ST6GAL1: variants seen among roughly 807,000 people sequenced by gnomAD.
ST6GAL1 encodes beta-galactoside alpha-2,6-sialyltransferase 1.
In ST6GAL1, 20 loss-of-function variants were observed where a neutral mutation model predicts 38.0. The ratio of observed to expected loss-of-function variants is 0.53; its 90% CI spans 0.37 to 0.77. The LOEUF (loss-of-function observed/expected upper bound fraction) is 0.77, where lower values mean the gene tolerates loss of function less well. Ranked by LOEUF, ST6GAL1 falls within the 30% of genes least tolerant of loss-of-function variation. The pLI is 0.00. For missense variants in ST6GAL1, 432 were observed against 496.4 expected, an observed-to-expected ratio of 0.87 and a Z score of 1.23; for synonymous variants, 196 against 188.2, an observed-to-expected ratio of 1.04 and a Z score of -0.34.
chr3:186,940,754 G>A (rs976788939), intron 1 of ST6GAL1, among the ~76,000 whole-genome samples: 1 of 144,702 alleles, frequency 6.9e-6, no homozygotes, highest in African/African-American at 2.6e-5. Flanking sequence ...TCATTTTACT[G>A]TGTGTATTGG....
intron 4 of ST6GAL1, among the ~76,000 whole-genome samples, chr3:187,046,171 AGTG>A (rs1579355190): frequency 6.6e-6 from 1 of 152,196 alleles, no homozygotes; most frequent in East Asian, 1.9e-4. Context: ...CTGTGGTAGC[AGTG>A]ATGAAGAGAA....
chr3:187,041,826 A>G (rs1405792883), intron 3 of ST6GAL1: 1 of 152,238 alleles, frequency 6.6e-6, no homozygotes, highest in Non-Finnish European at 1.5e-5. Context: ...TGGTGCCCCC[A>G]GAGTTGTGTC....
rs1247127625 is a variant in ST6GAL1, at chr3:186,930,797, C to G, written c.-362C>G. On this transcript the variant is annotated 5_prime_UTR_variant, in exon 1 of 8. Transcript: ENST00000169298. ...GAGCGGGCGGCCGCCACCGAGCGTG[C>G]TGAGCAACCGCAGCCTCCGCGGCCG... 1 of 152,568 alleles carries G rather than the reference C, an allele frequency of 6.6e-6. No individual in the cohort carries two copies. The allele number at this position is 152,568 out of a possible 1,614,324, so 9.5% of individuals were successfully genotyped here. A position where few individuals can be genotyped will look rare whatever the true frequency, so the allele number is the denominator to read the frequency against.
At chr3:187,016,930 G>A (rs1717135805) in intron 2 of ST6GAL1, among the ~76,000 whole-genome samples, 1 of 152,208 alleles carries the variant, frequency 6.6e-6, no homozygotes, top group Admixed American at 6.5e-5. Context: ...ATGCAAGGGT[G>A]ATTAGCTCTT....
intron 2 of ST6GAL1, among the ~76,000 whole-genome samples, chr3:187,014,536 G>T (rs1717059093): frequency 1.3e-5 from 2 of 152,192 alleles, no homozygotes; most frequent in Non-Finnish European, 2.9e-5. Flanking sequence ...GGGCAGCTCT[G>T]TTCCTTCTTT....
chr3:187,056,001 G>A (rs1718687869), intron 5 of ST6GAL1, among the ~76,000 whole-genome samples: 1 of 152,188 alleles, frequency 6.6e-6, no homozygotes, highest in Non-Finnish European at 1.5e-5. Flanking sequence ...TGTATTGGGT[G>A]CATATTTATT....
chr3:186,992,798 AAAC>A (rs4012251), intron 2 of ST6GAL1, among the ~76,000 whole-genome samples: 29,185 of 152,002 alleles, frequency 0.19, 2,767 homozygotes, highest in Admixed American at 0.25. Flanking sequence ...TCTGTCTCAA[AAAC>A]AACAACAACA....
chr3:187,057,921 A>G (rs1403862991), intron 5 of ST6GAL1, among the ~76,000 whole-genome samples: 2 of 152,212 alleles, frequency 1.3e-5, no homozygotes, highest in African/African-American at 4.8e-5. Flanking sequence ...CAGAGGCAGC[A>G]GGCCTGGCTG....
At position 186,995,954 on chromosome 3, in the gene ST6GAL1, T is replaced by C. The variant is rs1247157283; in HGVS notation, c.-183+32028T>C. The stretch of plus-strand genomic sequence containing the variant: ...GTGAGGTGTGTGGCTGCCCTGTCTC[T>C]GTATAGGTAGACACAGGCCCACAGG... On this transcript the variant is annotated intron_variant, in intron 2 of 7. Coordinates refer to ENST00000169298, the MANE Select transcript of ST6GAL1 (RefSeq NM_173216.2). 2.0e-5 allele frequency among the ~76,000 whole-genome samples: 3 copies of C among 152,222 alleles called. No individual in the cohort carries two copies. In the South Asian group the frequency reaches 6.2e-4, roughly 31 times the overall value.
At chr3:187,007,295 A>G (rs532767812) in intron 2 of ST6GAL1, among the ~76,000 whole-genome samples, 2 of 152,208 alleles carry the variant, frequency 1.3e-5, no homozygotes, top group Non-Finnish European at 2.9e-5. Flanking sequence ...GGGATCCACA[A>G]ATTGGACTGA....
chr3:187,066,849 TC>T (rs1419057770), intron 5 of ST6GAL1, among the ~76,000 whole-genome samples: 3 of 151,838 alleles, frequency 2.0e-5, no homozygotes, highest in Admixed American at 1.3e-4. Flanking sequence ...CAGGTCACAC[TC>T]CCCCTGCAGG....
chr3:187,063,061 T>G (rs868126905), intron 5 of ST6GAL1, among the ~76,000 whole-genome samples: 2 of 152,354 alleles, frequency 1.3e-5, no homozygotes, highest in South Asian at 4.1e-4. Flanking sequence ...AGGAATGTAC[T>G]AAGCTGAATA....
At chr3:186,953,413 T>C (rs1441463838) in intron 1 of ST6GAL1, among the ~76,000 whole-genome samples, 1 of 152,194 alleles carries the variant, frequency 6.6e-6, no homozygotes, top group Non-Finnish European at 1.5e-5. Context: ...TTCCTTCATG[T>C]ATCCTATTGT....
intron 2 of ST6GAL1, among the ~76,000 whole-genome samples, chr3:187,025,101 G>C (rs992639214): frequency 6.6e-6 from 1 of 151,878 alleles, no homozygotes; most frequent in Admixed American, 6.6e-5. Context: ...ATTCTGCCAG[G>C]GGTGGTACGT....
chr3:187,069,243 G>A (rs937030533), intron 5 of ST6GAL1, among the ~76,000 whole-genome samples: 27 of 151,372 alleles, frequency 1.8e-4, no homozygotes, highest in Non-Finnish European at 4.0e-4. Flanking sequence ...CAAGCTATTC[G>A]CCTGCCTCAG....
intron 5 of ST6GAL1, among the ~76,000 whole-genome samples, chr3:187,066,266 A>G (rs980036983): frequency 6.6e-6 from 1 of 152,138 alleles, no homozygotes; most frequent in Non-Finnish European, 1.5e-5. Flanking sequence ...AGTCTCAGTC[A>G]CTAGTTCTCC....
At chr3:186,938,038 CACTGCAG>C (rs2108513789) in intron 1 of ST6GAL1, among the ~76,000 whole-genome samples, 1 of 152,288 alleles carries the variant, frequency 6.6e-6, no homozygotes, top group African/African-American at 2.4e-5. Context: ...CGCACCACTG[CACTGCAG>C]ACTGGGTGAC....
chr3:187,039,238 T>G (rs972399515), intron 3 of ST6GAL1, among the ~76,000 whole-genome samples: 2 of 152,208 alleles, frequency 1.3e-5, no homozygotes, highest in African/African-American at 4.8e-5. Context: ...GGTTCAGTGT[T>G]GGCCAGTTCT....
chr3:186,961,757 A>G (rs1579274118), intron 1 of ST6GAL1, among the ~76,000 whole-genome samples: 1 of 152,152 alleles, frequency 6.6e-6, no homozygotes, highest in East Asian at 1.9e-4. Context: ...TGAATTCTCC[A>G]TCTCTCACTG....
Sources: gnomAD v4.1 joint callset for allele counts (sites outside exome capture counted in the v4.1 genomes callset) on GRCh38, gnomAD v4.1.1 for gene constraint, MANE v1.5 for transcripts, NCBI Gene and HGNC (gene_info 2026-07-23, HGNC 2026-07-21) for gene names.